Variants in PCDH15 observed in about 807,000 individuals in gnomAD.
The protein encoded by PCDH15 is protocadherin-15.
Under a neutral mutation model 178.5 loss-of-function variants are expected in PCDH15, and 129 were observed. The ratio of observed to expected loss-of-function variants is 0.72; its 90% CI spans 0.63 to 0.84. The LOEUF (loss-of-function observed/expected upper bound fraction) is 0.84, where lower values mean the gene tolerates loss of function less well. PCDH15 is among the 40% of genes least tolerant of loss of function. The pLI is 0.00. For synonymous variants in PCDH15, 800 were observed against 732.0 expected, an observed-to-expected ratio of 1.09 and a Z score of -1.50; for missense variants, 2,230 against 2,099.9, an observed-to-expected ratio of 1.06 and a Z score of -1.21.
intron 6 of PCDH15, among the ~76,000 whole-genome samples, chr10:54,331,446 A>G (rs12570493): frequency 0.22 from 33,711 of 151,896 alleles, 3,851 homozygotes; most frequent in African/African-American, 0.27. Flanking sequence ...ATAAATACAG[A>G]AAATGAAAAT....
At chr10:54,749,090 G>C (rs1250266249) in intron 1 of PCDH15, among the ~76,000 whole-genome samples, 2 of 152,152 alleles carry the variant, frequency 1.3e-5, no homozygotes, top group Non-Finnish European at 2.9e-5. Flanking sequence ...TAATAAACCT[G>C]ATAGTGCTGT....
intron 3 of PCDH15, among the ~76,000 whole-genome samples, chr10:54,434,232 G>A (rs1431497074): frequency 6.9e-6 from 1 of 144,316 alleles, no homozygotes; most frequent in Non-Finnish European, 1.6e-5. Flanking sequence ...AGTAAGCTAA[G>A]ATTAATTACT....
chr10:53,997,049 T>A (rs1373805968), intron 20 of PCDH15, among the ~76,000 whole-genome samples: 1 of 152,162 alleles, frequency 6.6e-6, no homozygotes, highest in Non-Finnish European at 1.5e-5. Flanking sequence ...CAAACAATGC[T>A]TCCTTTTATA....
intron 8 of PCDH15, among the ~76,000 whole-genome samples, chr10:54,268,315 A>G (rs1053939793): frequency 1.3e-5 from 2 of 152,042 alleles, no homozygotes; most frequent in African/African-American, 4.8e-5. Flanking sequence ...ACTTTAAACT[A>G]TAAGAAGCCT....
intron 2 of PCDH15, among the ~76,000 whole-genome samples, chr10:55,121,929 T>C (rs1449925613): frequency 6.6e-6 from 1 of 152,144 alleles, no homozygotes. Context: ...CTGCTGTCTA[T>C]GAATTGCCCA....
chr10:53,865,328 A>G (rs148508664), intron 27 of PCDH15, among the ~76,000 whole-genome samples: 2 of 152,336 alleles, frequency 1.3e-5, no homozygotes, highest in African/African-American at 4.8e-5. Context: ...GAAAGAGAAC[A>G]TGAGAGGTTC....
At chr10:54,551,499 G>T (rs191935964) in intron 2 of PCDH15, among the ~76,000 whole-genome samples, 154 of 152,028 alleles carry the variant, frequency 1.0e-3, no homozygotes, top group Admixed American at 5.6e-3. Context: ...TGACCTAAAA[G>T]AATAATTTTT....
chr10:53,909,198 C>T (rs1039642909), intron 25 of PCDH15, among the ~76,000 whole-genome samples: 1 of 152,164 alleles, frequency 6.6e-6, no homozygotes. Flanking sequence ...TCCCCCTACA[C>T]TCCCTCTTTC....
intron 3 of PCDH15, among the ~76,000 whole-genome samples, chr10:54,470,066 C>T (rs1449361097): frequency 6.6e-6 from 1 of 152,076 alleles, no homozygotes; most frequent in Non-Finnish European, 1.5e-5. Flanking sequence ...CCTCAGCCCC[C>T]CGGTAGTGTT....
intron 5 of PCDH15, among the ~76,000 whole-genome samples, chr10:54,365,958 A>G (rs902328388): frequency 2.0e-5 from 3 of 152,102 alleles, no homozygotes; most frequent in African/African-American, 7.2e-5. Context: ...AAAAGTGCTG[A>G]TTGTGATTAT....
At chr10:55,035,509 C>T (rs1399572149) in intron 2 of PCDH15, among the ~76,000 whole-genome samples, 1 of 152,088 alleles carries the variant, frequency 6.6e-6, no homozygotes, top group Non-Finnish European at 1.5e-5. Flanking sequence ...TTGTTCCCTC[C>T]AATATGTTCA....
At chr10:53,840,168 G>C in intron 29 of PCDH15, 152 bp downstream of exon 29, 2 of 906,052 alleles carry the variant, frequency 2.2e-6, no homozygotes, top group Admixed American at 4.6e-5. Context: ...TAAGGCATGA[G>C]AATCCTAGGT....
At chr10:55,581,478 C>A (rs866783589) in intron 2 of PCDH15, among the ~76,000 whole-genome samples, 1 of 99,370 alleles carries the variant, frequency 1.0e-5, no homozygotes, top group African/African-American at 4.6e-5. Flanking sequence ...TGAAGGAGGT[C>A]TATTTGCTCT....
chr10:55,285,984 T>G (rs374848193), intron 1 of PCDH15, among the ~76,000 whole-genome samples: 31 of 151,992 alleles, frequency 2.0e-4, no homozygotes, highest in Middle Eastern at 3.2e-3. Context: ...TCATTTCTTT[T>G]GATTTTCGTG....
intron 2 of PCDH15, among the ~76,000 whole-genome samples, chr10:55,541,305 T>C (rs961625288): frequency 2.0e-5 from 3 of 152,034 alleles, no homozygotes; most frequent in African/African-American, 7.2e-5. Context: ...GCCAACTATA[T>C]CCCTAAGGAT....
intron 1 of PCDH15, among the ~76,000 whole-genome samples, chr10:55,236,967 G>A (rs949380777): frequency 6.6e-6 from 1 of 151,330 alleles, no homozygotes; most frequent in Non-Finnish European, 1.5e-5. Context: ...TCACGTGTAC[G>A]CATCACTGGA....
chr10:54,735,057 A>T (rs1943912340), intron 1 of PCDH15, among the ~76,000 whole-genome samples: 1 of 152,062 alleles, frequency 6.6e-6, no homozygotes, highest in Admixed American at 6.6e-5. Flanking sequence ...TTATTATATG[A>T]AAACTAAATC....
intron 32 of PCDH15, among the ~76,000 whole-genome samples, chr10:53,820,483 A>G (rs773120735): frequency 2.6e-4 from 39 of 152,094 alleles, no homozygotes; most frequent in Non-Finnish European, 2.2e-4. Flanking sequence ...TACTTCCAAT[A>G]GTAATTATCA....
chr10:54,941,376 C>T (rs1461056540), intron 2 of PCDH15, among the ~76,000 whole-genome samples: 1 of 152,106 alleles, frequency 6.6e-6, no homozygotes, highest in African/African-American at 2.4e-5. Flanking sequence ...TTGAGATTCC[C>T]TAGAGAACAT....
Sources: allele counts gnomAD v4.1 joint callset (sites outside exome capture counted in the v4.1 genomes callset), GRCh38; gene constraint gnomAD v4.1.1; transcripts MANE v1.5; gene names NCBI Gene and HGNC (gene_info 2026-07-23, HGNC 2026-07-21).